CSMD3: variants seen among roughly 807,000 people sequenced by gnomAD.
CSMD3 encodes CUB and Sushi multiple domains 3.
A neutral mutation model predicts 435.2 loss-of-function variants in CSMD3; 177 were observed. The ratio of observed to expected loss-of-function variants is 0.41; its 90% CI spans 0.36 to 0.46. The LOEUF (loss-of-function observed/expected upper bound fraction) is 0.46. Ranked by LOEUF, CSMD3 falls within the 20% of genes least tolerant of loss-of-function variation. The probability of loss-of-function intolerance (pLI) is 0.34; values close to 1 mark genes in which losing one functional copy is unlikely to be tolerated. For synonymous variants in CSMD3, 1,656 were observed against 1,520.5 expected (o/e 1.09, Z -2.07); for missense variants, 4,265 against 4,504.6 (o/e 0.95, Z 1.52).
At chr8:112,243,649 G>A (rs995479713) in intron 65 of CSMD3, among the ~76,000 whole-genome samples, 1 of 152,026 alleles carries the variant, frequency 6.6e-6, no homozygotes, top group Non-Finnish European at 1.5e-5. Context: ...TTCTACTAGG[G>A]TTACTCTGGC....
intron 2 of CSMD3, among the ~76,000 whole-genome samples, chr8:113,298,643 AG>A (rs1222854579): frequency 6.6e-6 from 1 of 152,264 alleles, no homozygotes; most frequent in East Asian, 1.9e-4. Context: ...AAAATAACAG[AG>A]GAAGGTTTGT....
In CSMD3 at chr8:112,339,538, CT is replaced by C. The variant is rs1333504302; in HGVS notation, c.6653-1808del. 2.0e-5 allele frequency among the ~76,000 whole-genome samples: 3 copies of C among 152,068 alleles called. No homozygotes were observed. The East Asian group carries it at 5.8e-4, about 29-fold the overall frequency. ...TCGTTCTTTTGTTGCTTCATTCTTT[CT>C]TTGCTTTGCTGGGCGTTTTGTCCAA... is the stretch of plus-strand genomic sequence containing the variant. On this transcript the variant is annotated intron_variant, in intron 42 of 70. Transcript: ENST00000297405.
intron 4 of CSMD3, among the ~76,000 whole-genome samples, chr8:113,108,738 T>C (rs955453467): frequency 6.6e-6 from 1 of 152,146 alleles, no homozygotes; most frequent in Non-Finnish European, 1.5e-5. Flanking sequence ...TAATAAAATT[T>C]CATATACCTA....
At chr8:112,809,192 A>G (rs1244590213) in intron 12 of CSMD3, among the ~76,000 whole-genome samples, 1 of 152,166 alleles carries the variant, frequency 6.6e-6, no homozygotes, top group Non-Finnish European at 1.5e-5. Flanking sequence ...TTTCTTTCCT[A>G]GAATCCCTAA....
At chr8:112,609,416 C>T (rs1038695604) in intron 22 of CSMD3, among the ~76,000 whole-genome samples, 11 of 151,886 alleles carry the variant, frequency 7.2e-5, no homozygotes, top group Non-Finnish European at 1.6e-4. Flanking sequence ...TGGAAAGGTA[C>T]TCAGCATCAC....
chr8:112,855,651 G>A (rs929400322), intron 11 of CSMD3, among the ~76,000 whole-genome samples: 2 of 151,932 alleles, frequency 1.3e-5, no homozygotes, highest in Admixed American at 1.3e-4. Flanking sequence ...ATAGATGACA[G>A]ATAGATAGAT....
chr8:112,552,864 A>G (rs1016769285), intron 25 of CSMD3, 144 bp from the exon 26 acceptor site: 38 of 692,110 alleles, frequency 5.5e-5, no homozygotes, highest in Non-Finnish European at 8.0e-5. Flanking sequence ...TAAAGTATCA[A>G]TTGAAGCAAG....
At chr8:112,495,422 G>A (rs1029467186) in intron 30 of CSMD3, among the ~76,000 whole-genome samples, 11 of 152,224 alleles carry the variant, frequency 7.2e-5, no homozygotes, top group East Asian at 3.9e-4. Context: ...GCAAGCATCC[G>A]GTTTTTTGAG....
chr8:113,018,276 G>C (rs1040321855), intron 6 of CSMD3, among the ~76,000 whole-genome samples: 2 of 151,698 alleles, frequency 1.3e-5, no homozygotes, highest in Non-Finnish European at 2.9e-5. Context: ...ATGCCATTTT[G>C]AGTACTAAAT....
intron 5 of CSMD3, among the ~76,000 whole-genome samples, chr8:113,070,354 G>A (rs16884317): frequency 0.053 from 8,056 of 151,988 alleles, 335 homozygotes; most frequent in Non-Finnish European, 0.084. Context: ...TAGTAAAAAG[G>A]ATGAGAAAAT....
At chr8:112,273,938 A>C (rs1817775638) in intron 59 of CSMD3, among the ~76,000 whole-genome samples, 1 of 150,874 alleles carries the variant, frequency 6.6e-6, no homozygotes, top group South Asian at 2.1e-4. Context: ...TAACATACAA[A>C]AAAAAAAAAA....
chr8:112,515,716 T>TTTGTC (rs2130979165), intron 28 of CSMD3, among the ~76,000 whole-genome samples: 1 of 152,168 alleles, frequency 6.6e-6, no homozygotes, highest in Admixed American at 6.5e-5. Flanking sequence ...TTCTTTGTCA[T>TTTGTC]TTGTCTTATT....
At chr8:112,362,536 G>T (rs1028724148) in intron 38 of CSMD3, among the ~76,000 whole-genome samples, 2 of 151,962 alleles carry the variant, frequency 1.3e-5, no homozygotes, top group Non-Finnish European at 2.9e-5. Flanking sequence ...CGACGTGTAG[G>T]TATTATTCAT....
intron 35 of CSMD3, among the ~76,000 whole-genome samples, chr8:112,402,676 G>T (rs1009406151): frequency 1.3e-5 from 2 of 151,946 alleles, no homozygotes; most frequent in African/African-American, 4.8e-5. Context: ...TAATTACTGG[G>T]GAAAGTGAGG....
intron 10 of CSMD3, among the ~76,000 whole-genome samples, chr8:112,865,683 A>ACCCC (rs766539809): frequency 1.4e-5 from 1 of 72,876 alleles, no homozygotes; most frequent in Non-Finnish European, 2.9e-5. Flanking sequence ...ACCTTTACAT[A>ACCCC]CCCCACACAC....
chr8:112,823,431 C>A (rs1254749838), intron 12 of CSMD3, among the ~76,000 whole-genome samples: 1 of 152,076 alleles, frequency 6.6e-6, no homozygotes, highest in East Asian at 1.9e-4. Flanking sequence ...AATTTGAGAT[C>A]TTTGTAGCTT....
At chr8:112,549,272 A>C (rs1368120161) in intron 27 of CSMD3, among the ~76,000 whole-genome samples, 1 of 152,078 alleles carries the variant, frequency 6.6e-6, no homozygotes, top group African/African-American at 2.4e-5. Context: ...TAGAGAGTAG[A>C]ATATACAAAT....
intron 3 of CSMD3, among the ~76,000 whole-genome samples, chr8:113,223,229 T>G (rs1044068998): frequency 1.3e-5 from 2 of 150,640 alleles, no homozygotes; most frequent in Admixed American, 6.7e-5. Flanking sequence ...TAATTGCTGC[T>G]TTTTTAAAGC....
At chr8:113,229,213 A>G (rs1367769870) in intron 3 of CSMD3, among the ~76,000 whole-genome samples, 1 of 151,654 alleles carries the variant, frequency 6.6e-6, no homozygotes, top group Non-Finnish European at 1.5e-5. Flanking sequence ...TACTCAGTAC[A>G]GTGTAAAATT....
Sources: gnomAD v4.1 joint callset for allele counts (sites outside exome capture counted in the v4.1 genomes callset) on GRCh38, gnomAD v4.1.1 for gene constraint, MANE v1.5 for transcripts, NCBI Gene and HGNC (gene_info 2026-07-23, HGNC 2026-07-21) for gene names.